IPO11: variants seen among roughly 807,000 people sequenced by gnomAD.
IPO11 encodes the protein importin-11.
Under a neutral mutation model 143.2 loss-of-function variants are expected in IPO11, and 66 were observed. The ratio of observed to expected loss-of-function variants is 0.46; its 90% confidence interval spans 0.38 to 0.57. The LOEUF (loss-of-function observed/expected upper bound fraction) is 0.57. IPO11 is among the 20% of genes least tolerant of loss of function. The pLI is 0.00. For synonymous variants in IPO11, 385 were observed against 377.8 expected (o/e 1.02, Z -0.22); for missense variants, 1,026 against 1,141.0 (o/e 0.90, Z 1.45).
intron 5 of IPO11, among the ~76,000 whole-genome samples, chr5:62,460,591 A>G (rs1745320000): frequency 6.6e-6 from 1 of 152,226 alleles, no homozygotes; most frequent in South Asian, 2.1e-4. Flanking sequence ...TTGAAATGCT[A>G]AAATACTTAG....
In IPO11 at chr5:62,435,182, A is replaced by ATATATGTATATATGTATATATATGTG. The variant is rs1561309119; in HGVS notation, c.-6-2087_-6-2086insGTATATATGTATATATATGTGTATAT. 7.9e-5 allele frequency among the ~76,000 whole-genome samples: 8 copies of ATATATGTATATATGTATATATATGTG among 101,062 alleles called. 2 individuals are homozygous for ATATATGTATATATGTATATATATGTG. The highest frequency in any genetic ancestry group is 1.1e-4 in the Non-Finnish European group (6 of 52,702). The allele number at this position is 101,062 out of a possible 152,430, so 66.3% of individuals were successfully genotyped here. Reference sequence around the variant, plus strand: ...TATATGTATATATATGTATATATGTATATATATGTATATATATGTATATAT... The same window carrying ATATATGTATATATGTATATATATGTG: ...TATATGTATATATATGTATATATGTATATATGTATATATGTATATATATGTGTATATATGTATATATATGTATATAT... On this transcript the variant is annotated intron_variant, in intron 1 of 29. Transcript: ENST00000325324.
chr5:62,575,589 C>G (rs1744287910), intron 27 of IPO11, among the ~76,000 whole-genome samples: 1 of 152,116 alleles, frequency 6.6e-6, no homozygotes, highest in South Asian at 2.1e-4. Context: ...CCTCCCCCAG[C>G]AGAATAGAGT....
At position 62,443,007 on chromosome 5, in the gene IPO11, G is replaced by C; in HGVS notation, c.163G>C (p.Asp55His). 1 of 1,606,642 alleles carries C rather than the reference G, an allele frequency of 6.2e-7. No individual in the cohort carries two copies. The highest frequency in any genetic ancestry group is 8.5e-7 in the Non-Finnish European group (1 of 1,175,628). Residue 55 changes from aspartate to histidine, a missense_variant, in exon 3 of 30, where the codon GAT becomes CAT. Around this residue, in one of 5 missense-constraint regions of IPO11, gnomAD observed 429 missense variants for 456.3 expected, o/e 0.94. Coordinates refer to ENST00000325324, the MANE Select transcript of IPO11 (RefSeq NM_016338.5). ...LLNIFTNHTL[D>H]INVRWLAVLY... Reference sequence around the variant, plus strand: ...GAATATTTTCACCAACCACACTTTGGATATAAATGTAAGGTGGCTTGCTGT... The same window carrying C: ...GAATATTTTCACCAACCACACTTTGCATATAAATGTAAGGTGGCTTGCTGT...
chr5:62,494,802 C>T (rs566095115), intron 16 of IPO11, among the ~76,000 whole-genome samples: 4 of 151,938 alleles, frequency 2.6e-5, no homozygotes, highest in East Asian at 1.9e-4. Flanking sequence ...TATACATGTT[C>T]GCTGTCTTTT....
chr5:62,538,221 G>A (rs1742805061), intron 24 of IPO11, among the ~76,000 whole-genome samples: 1 of 152,158 alleles, frequency 6.6e-6, no homozygotes, highest in African/African-American at 2.4e-5. Flanking sequence ...AAAGAGGTTT[G>A]CTTACAGAAG....
intron 19 of IPO11, among the ~76,000 whole-genome samples, chr5:62,510,846 C>T (rs1561341493): frequency 6.6e-6 from 1 of 152,084 alleles, no homozygotes; most frequent in African/African-American, 2.4e-5. Context: ...AGTGATTCTC[C>T]TGCCTCAGCA....
intron 1 of IPO11, among the ~76,000 whole-genome samples, chr5:62,418,066 C>G (rs6888164): frequency 9.7e-4 from 148 of 152,318 alleles, no homozygotes; most frequent in African/African-American, 3.5e-3. Context: ...TCTCGTCTCA[C>G]CGCAACCTCT....
chr5:62,492,444 A>G (rs891878999), intron 15 of IPO11, among the ~76,000 whole-genome samples: 26 of 152,154 alleles, frequency 1.7e-4, no homozygotes, highest in Admixed American at 1.6e-3. Flanking sequence ...TTCCTTTTCT[A>G]AAGTCCTAGT....
At chr5:62,588,978 A>G (rs1462718689) in intron 27 of IPO11, among the ~76,000 whole-genome samples, 1 of 140,014 alleles carries the variant, frequency 7.1e-6, no homozygotes, top group Non-Finnish European at 1.6e-5. Flanking sequence ...GGAAAATTCA[A>G]AATGCAGGAA....
chr5:62,497,171 T>C (rs1019072944), intron 16 of IPO11, among the ~76,000 whole-genome samples: 12 of 152,238 alleles, frequency 7.9e-5, no homozygotes, highest in African/African-American at 2.9e-4. Context: ...GGAGACTGGC[T>C]GTGACGGAGT....
chr5:62,621,751 T>G (rs1746385294), intron 29 of IPO11, among the ~76,000 whole-genome samples: 1 of 152,226 alleles, frequency 6.6e-6, no homozygotes, highest in Non-Finnish European at 1.5e-5. Flanking sequence ...GCAGGCTAAA[T>G]GAACGTCTTT....
chr5:62,440,660 A>G (rs1054849872), intron 2 of IPO11, among the ~76,000 whole-genome samples: 3 of 148,940 alleles, frequency 2.0e-5, no homozygotes, highest in East Asian at 2.2e-4. Context: ...CCCAGCCTGC[A>G]TTCCTTTTTA....
rs537566289 is a variant in IPO11 at position 62,467,057 on chromosome 5, A to G, written c.517-74A>G. 18 of 1,336,860 alleles carry G rather than the reference A, an allele frequency of 1.3e-5. No homozygotes were observed. The South Asian group carries it at 2.5e-4, about 18-fold the overall frequency. 82.8% of individuals were successfully genotyped at this position (1,336,860 alleles called of 1,614,324 possible). A position where few individuals can be genotyped will look rare whatever the true frequency, so the allele number is the denominator to read the frequency against. On this transcript the variant is annotated intron_variant, in intron 5 of 29. Coordinates refer to ENST00000325324, the MANE Select transcript of IPO11 (RefSeq NM_016338.5). ...GTGCTTAGTTGTAAAACTAAAATAT[A>G]TTACTTTGTAGTTCTAATGTATTAC...
intron 9 of IPO11, among the ~76,000 whole-genome samples, chr5:62,482,655 T>C (rs1185197093): frequency 6.6e-6 from 1 of 152,218 alleles, no homozygotes; most frequent in Non-Finnish European, 1.5e-5. Flanking sequence ...TTATTCCTTT[T>C]GCATTTATTA....
intron 1 of IPO11, among the ~76,000 whole-genome samples, chr5:62,430,481 T>C (rs1251815217): frequency 1.3e-5 from 2 of 151,772 alleles, no homozygotes; most frequent in African/African-American, 4.8e-5. Flanking sequence ...CCATCACACC[T>C]GACTAACTTT....
At chr5:62,514,010 C>T (rs1371249048) in intron 19 of IPO11, among the ~76,000 whole-genome samples, 1 of 150,324 alleles carries the variant, frequency 6.7e-6, no homozygotes, top group Non-Finnish European at 1.5e-5. Flanking sequence ...CGGGCAGAGA[C>T]GCTCCTCACT....
chr5:62,454,231 A>G (rs1372002034), intron 5 of IPO11, among the ~76,000 whole-genome samples: 2 of 152,198 alleles, frequency 1.3e-5, no homozygotes, highest in Non-Finnish European at 2.9e-5. Context: ...TTGTTTTTCA[A>G]ATCCTTTTCA....
intron 6 of IPO11, among the ~76,000 whole-genome samples, 167 bp from the exon 7 acceptor site, chr5:62,470,083 T>C (rs1745714351): frequency 6.6e-6 from 1 of 152,202 alleles, no homozygotes; most frequent in Admixed American, 6.5e-5. Context: ...AACTAGACTT[T>C]AGTTCCATTT....
intron 27 of IPO11, among the ~76,000 whole-genome samples, chr5:62,585,287 C>T (rs1473151901): frequency 1.3e-5 from 2 of 152,182 alleles, no homozygotes; most frequent in Non-Finnish European, 2.9e-5. Flanking sequence ...CCCTTATCCT[C>T]AGTTACCTGC....
Sources: allele counts gnomAD v4.1 joint callset (sites outside exome capture counted in the v4.1 genomes callset), GRCh38; gene constraint gnomAD v4.1.1; regional missense constraint gnomAD v4.1.1; transcripts MANE v1.5; gene names NCBI Gene and HGNC (gene_info 2026-07-23, HGNC 2026-07-21).